NCOA2: variants seen among roughly 807,000 people sequenced by gnomAD.
NCOA2 encodes class E basic helix-loop-helix protein 75.
Under a neutral mutation model 145.1 loss-of-function variants are expected in NCOA2, and 21 were observed. That is an observed-to-expected ratio of 0.14 (90% confidence interval 0.10 to 0.21). The LOEUF (loss-of-function observed/expected upper bound fraction) is 0.21, where lower values mean the gene tolerates loss of function less well. NCOA2 is among the 10% of genes least tolerant of loss of function. NCOA2 has a pLI of 1.00. For missense variants in NCOA2, 1,472 were observed against 1,837.6 expected, an observed-to-expected ratio of 0.80 and a Z score of 3.64; for synonymous variants, 619 against 637.5, an observed-to-expected ratio of 0.97 and a Z score of 0.44.
intron 1 of NCOA2, among the ~76,000 whole-genome samples, chr8:70,362,346 C>G (rs1443360913): frequency 1.3e-5 from 2 of 151,938 alleles, no homozygotes; most frequent in Non-Finnish European, 2.9e-5. Flanking sequence ...CAAAACAATC[C>G]ATCAAAGAAT....
intron 2 of NCOA2, among the ~76,000 whole-genome samples, chr8:70,289,706 T>C (rs936429577): frequency 6.6e-6 from 1 of 152,152 alleles, no homozygotes; most frequent in Non-Finnish European, 1.5e-5. Flanking sequence ...CCATACACAG[T>C]GGCACCACAA....
intron 1 of NCOA2, among the ~76,000 whole-genome samples, chr8:70,305,839 C>A (rs1401702075): frequency 6.6e-6 from 1 of 152,046 alleles, no homozygotes; most frequent in Non-Finnish European, 1.5e-5. Flanking sequence ...AAGCTAGCAC[C>A]AGACTAAGAG....
intron 1 of NCOA2, among the ~76,000 whole-genome samples, chr8:70,371,175 G>A (rs1235344991): frequency 1.3e-5 from 2 of 152,080 alleles, no homozygotes; most frequent in Non-Finnish European, 2.9e-5. Context: ...TATAGTCCCA[G>A]CTACTCGGGA....
chr8:70,212,066 C>CATATATATAT (rs36215324), intron 4 of NCOA2, among the ~76,000 whole-genome samples: 49 of 144,372 alleles, frequency 3.4e-4, no homozygotes, highest in East Asian at 2.8e-3. Context: ...CTTTGTGGCG[C>CATATATATAT]ATATATATAT....
chr8:70,130,337 G>A (rs1563494437), intron 16 of NCOA2, among the ~76,000 whole-genome samples: 1 of 152,086 alleles, frequency 6.6e-6, no homozygotes, highest in Non-Finnish European at 1.5e-5. Context: ...AGAAATAACA[G>A]AAATGAGTGA....
At chr8:70,153,108 C>A (rs958626696) in intron 11 of NCOA2, among the ~76,000 whole-genome samples, 1 of 152,206 alleles carries the variant, frequency 6.6e-6, no homozygotes, top group African/African-American at 2.4e-5. Flanking sequence ...ACTTTTCAAG[C>A]TGCAATGTTT....
chr8:70,371,398 A>G (rs1262338675), intron 1 of NCOA2, among the ~76,000 whole-genome samples: 1 of 152,164 alleles, frequency 6.6e-6, no homozygotes, highest in Admixed American at 6.5e-5. Context: ...CCACAATAAA[A>G]AAATACAAAA....
intron 4 of NCOA2, among the ~76,000 whole-genome samples, chr8:70,206,112 C>G (rs1184429329): frequency 6.6e-6 from 1 of 152,208 alleles, no homozygotes; most frequent in Non-Finnish European, 1.5e-5. Context: ...GTGGGCTCAG[C>G]CCAAGGGCTC....
chr8:70,401,994 C>T (rs1814298720), intron 1 of NCOA2: 1 of 152,284 alleles, frequency 6.6e-6, no homozygotes, highest in Admixed American at 6.5e-5. Context: ...GGTCGGAGCC[C>T]CTATAAGTGA....
At chr8:70,129,393 T>A (rs546169898) in intron 16 of NCOA2, among the ~76,000 whole-genome samples, 1 of 152,344 alleles carries the variant, frequency 6.6e-6, no homozygotes, top group African/African-American at 2.4e-5. Context: ...CTTTGGCACC[T>A]GACTGGGATC....
intron 2 of NCOA2, among the ~76,000 whole-genome samples, chr8:70,253,869 A>C (rs1465080318): frequency 4.6e-5 from 7 of 152,208 alleles, no homozygotes; most frequent in Admixed American, 3.9e-4. Context: ...TACCAAAAGC[A>C]TGGGCAATAA....
chr8:70,140,593 G>GTTTT lies in NCOA2; in HGVS notation c.3028+587_3028+590dup, dbSNP rs71558582. On this transcript the variant is annotated intron_variant, in intron 14 of 22. Transcript: ENST00000452400. ...TAGAAACTACTGCTGTACCACCTAA[G>GTTTT]TTTTTTTTTTTTTTTTTTTTTTTTG... 3.1e-3 allele frequency among the ~76,000 whole-genome samples: 244 copies of GTTTT among 79,780 alleles called. 9 individuals carry two copies. Among genetic ancestry groups the GTTTT allele is most frequent in the Middle Eastern group, 0.011 (1 of 88 alleles). 52.3% of individuals were successfully genotyped at this position (79,780 alleles called of 152,430 possible).
intron 1 of NCOA2, among the ~76,000 whole-genome samples, chr8:70,398,445 A>C (rs1489112470): frequency 6.6e-6 from 1 of 152,188 alleles, no homozygotes; most frequent in Non-Finnish European, 1.5e-5. Flanking sequence ...TGGATGACAG[A>C]GCGAGACCAT....
the NCOA2 span, among the ~76,000 whole-genome samples, chr8:70,447,702 T>TTTTTTTTTTTA: frequency 7.0e-6 from 1 of 143,874 alleles, no homozygotes; most frequent in African/African-American, 2.5e-5. Context: ...TTTTTTTTTC[T>TTTTTTTTTTTA]GAGACAGGGT....
At chr8:70,369,738 G>A (rs542295955) in intron 1 of NCOA2, among the ~76,000 whole-genome samples, 1 of 152,234 alleles carries the variant, frequency 6.6e-6, no homozygotes, top group East Asian at 1.9e-4. Context: ...ATACTGTCAG[G>A]TTTTCACAAG....
At chr8:70,272,508 C>T (rs886712614) in intron 2 of NCOA2, among the ~76,000 whole-genome samples, 2 of 152,108 alleles carry the variant, frequency 1.3e-5, no homozygotes, top group Admixed American at 6.5e-5. Context: ...TTTTAAGAGG[C>T]TAATTTTTTT....
intron 2 of NCOA2, among the ~76,000 whole-genome samples, chr8:70,235,482 T>C (rs1821512153): frequency 6.6e-6 from 1 of 152,150 alleles, no homozygotes. Flanking sequence ...TTTAAAAACA[T>C]CCAAGATAAC....
At chr8:70,333,304 G>A (rs1422580736) in intron 1 of NCOA2, among the ~76,000 whole-genome samples, 1 of 152,128 alleles carries the variant, frequency 6.6e-6, no homozygotes, top group African/African-American at 2.4e-5. Context: ...TTACACCGAT[G>A]GGTACCTTGG....
intron 2 of NCOA2, among the ~76,000 whole-genome samples, chr8:70,281,070 T>A (rs1389333289): frequency 2.6e-5 from 4 of 151,812 alleles, no homozygotes; most frequent in Non-Finnish European, 5.9e-5. Flanking sequence ...TAGGAAAAAA[T>A]AGGCTGGGCA....
Sources: gnomAD v4.1 joint callset for allele counts (sites outside exome capture counted in the v4.1 genomes callset) on GRCh38, gnomAD v4.1.1 for gene constraint, MANE v1.5 for transcripts, NCBI Gene and HGNC (gene_info 2026-07-23, HGNC 2026-07-21) for gene names.